TRANK1: variants seen among roughly 807,000 people sequenced by gnomAD.
TRANK1 encodes tetratricopeptide repeat and ankyrin repeat containing 1.
TRANK1 carries 198 observed loss-of-function variants against 266.0 expected under a neutral mutation model. The ratio of observed to expected loss-of-function variants is 0.74; its 90% CI spans 0.66 to 0.84. The LOEUF is 0.84. TRANK1 is among the 40% of genes least tolerant of loss of function. The pLI, the probability that TRANK1 is intolerant of heterozygous loss-of-function variation, is 0.00. For missense variants in TRANK1, 3,326 were observed against 3,634.6 expected (o/e 0.92, Z 2.18); for synonymous variants, 1,396 against 1,384.1 (o/e 1.01, Z -0.19).
At chr3:36,830,268 T>C (rs1434536985) in intron 22 of TRANK1, among the ~76,000 whole-genome samples, 1 of 150,644 alleles carries the variant, frequency 6.6e-6, no homozygotes, top group Non-Finnish European at 1.5e-5. Context: ...TGAGCCAAGA[T>C]CACGCCACTG....
At chr3:36,921,575 C>T (rs933184067) in intron 1 of TRANK1, among the ~76,000 whole-genome samples, 5 of 152,168 alleles carry the variant, frequency 3.3e-5, no homozygotes, top group African/African-American at 9.7e-5. Context: ...TAACTCCAGG[C>T]ATCACATTAA....
At chr3:36,930,475 G>A (rs1258686826) in intron 1 of TRANK1, among the ~76,000 whole-genome samples, 1 of 152,194 alleles carries the variant, frequency 6.6e-6, no homozygotes, top group Non-Finnish European at 1.5e-5. Context: ...CCTATGGACT[G>A]TGAGATAATA....
At chr3:36,852,424 T>G (rs932808972) in intron 13 of TRANK1, 79 bp from the exon 14 acceptor site, 83 of 1,342,012 alleles carry the variant, frequency 6.2e-5, no homozygotes, top group Non-Finnish European at 5.7e-5. Context: ...GGGGGACATG[T>G]TTTTCCTGAG....
At chr3:36,905,940 G>A (rs1288172067) in intron 2 of TRANK1, among the ~76,000 whole-genome samples, 2 of 152,228 alleles carry the variant, frequency 1.3e-5, no homozygotes, top group Non-Finnish European at 2.9e-5. Context: ...AAGGGGAACA[G>A]TGTCAGGAAG....
At chr3:36,901,100 TG>T (rs1229424379) in intron 3 of TRANK1, among the ~76,000 whole-genome samples, 44 of 97,040 alleles carry the variant, frequency 4.5e-4, no homozygotes, top group Admixed American at 4.0e-3. Context: ...GATTCAAGGT[TG>T]TTTTTTTTTT....
chr3:36,880,460 C>T (rs188353628), intron 8 of TRANK1: 7 of 187,166 alleles, frequency 3.7e-5, no homozygotes, highest in Non-Finnish European at 8.1e-5. Context: ...TTTGTAATTC[C>T]TTTTCTTTAC....
At position 36,832,200 on chromosome 3, in the gene TRANK1, G is replaced by A. The variant is rs1215129151; in HGVS notation, c.7383C>T (p.Ile2461=). The change falls in exon 22 of 24, where the codon ATC becomes ATT. Residue 2461 remains isoleucine (I), a synonymous_variant. Coordinates refer to ENST00000645898, the MANE Select transcript of TRANK1 (RefSeq NM_001329998.2). The part of the protein sequence containing the change: ...NTVALLEFQF[I]HCGVVLARLW... Reference sequence around the variant, plus strand: ...GGCGGGCCAGCACCACCCCACAGTGGATGAACTGGAACTCCAGGAGGGCTA... The same window carrying A: ...GGCGGGCCAGCACCACCCCACAGTGAATGAACTGGAACTCCAGGAGGGCTA... 1 of 1,613,998 alleles carries A rather than the reference G, an allele frequency of 6.2e-7. No individual in the cohort carries two copies. Among genetic ancestry groups the A allele is most frequent in the Non-Finnish European group, 8.5e-7 (1 of 1,179,890 alleles).
chr3:36,923,708 C>T (rs1253538241), intron 1 of TRANK1, among the ~76,000 whole-genome samples: 2 of 152,126 alleles, frequency 1.3e-5, no homozygotes, highest in East Asian at 1.9e-4. Flanking sequence ...CAGCACCCTC[C>T]GAGAATAGCC....
chr3:36,842,773 A>G (rs1011435188), intron 17 of TRANK1, 63 bp from the exon 18 acceptor site: 3 of 1,452,588 alleles, frequency 2.1e-6, no homozygotes, highest in African/African-American at 2.8e-5. Flanking sequence ...AACTGTTGTT[A>G]TGGGCTGAGT....
chr3:36,857,996 G>T lies in TRANK1; in HGVS notation c.1726C>A (p.Pro576Thr). 1 of 1,596,788 alleles carries T rather than the reference G, an allele frequency of 6.3e-7. No homozygotes were observed. Among genetic ancestry groups the T allele is most frequent in the Non-Finnish European group, 8.5e-7 (1 of 1,178,054 alleles). ...SHLLDLFWSN[P>T]TEFDYLNPNV... ...GGGTTGAGGTAGTCGAATTCAGTGG[G>T]GTTGGACCAAAACAGATCCAACAGA... Residue 576 changes from proline (P) to threonine (T), a missense_variant, in exon 13 of 24, where the codon CCC becomes ACC. Transcript: ENST00000645898. The surrounding 1 kb of genome is among the most constrained non-coding windows in gnomAD (Gnocchi z 4.3).
chr3:36,847,476 C>CACAGGATGGATCTTT, intron 15 of TRANK1, 130 bp from the exon 16 acceptor site: 2 of 916,540 alleles, frequency 2.2e-6, no homozygotes, highest in Non-Finnish European at 1.6e-6. Flanking sequence ...TGAGAAAGAT[C>CACAGGATGGATCTTT]CATCCTGTGA....
At chr3:36,891,511 T>G (rs1337257075) in intron 7 of TRANK1, among the ~76,000 whole-genome samples, 1 of 152,202 alleles carries the variant, frequency 6.6e-6, no homozygotes, top group Non-Finnish European at 1.5e-5. Flanking sequence ...ACAAGTTCTC[T>G]CGGCCCTTTC....
intron 4 of TRANK1, among the ~76,000 whole-genome samples, chr3:36,897,959 G>T (rs1407556951): frequency 2.0e-5 from 3 of 152,164 alleles, no homozygotes; most frequent in South Asian, 2.1e-4. Context: ...GTAACTTAAT[G>T]CAGTGACACA....
intron 2 of TRANK1, among the ~76,000 whole-genome samples, chr3:36,903,936 A>T (rs2079922419): frequency 1.3e-5 from 2 of 152,196 alleles, no homozygotes; most frequent in African/African-American, 2.4e-5. Context: ...ACACAAATAA[A>T]AAAAGCAAGC....
In TRANK1 at chr3:36,831,037, A is replaced by T. The variant is rs762521191; in HGVS notation, c.8546T>A (p.Ile2849Asn). Reference protein sequence around the residue: ...EFFHEKVDPAIDEGKLVVQDI... With the variant: ...EFFHEKVDPANDEGKLVVQDI... The stretch of plus-strand genomic sequence containing the variant: ...CTGCACCACCAGCTTGCCTTCATCA[A>T]TGGCCGGGTCCACCTTCTCGTGGAA... Residue 2849 changes from isoleucine (I) to asparagine (N), a missense_variant, in exon 22 of 24, where the codon ATT (isoleucine) becomes AAT (asparagine). Ile to Asn is a moderately radical substitution (Grantham distance 149). Coordinates refer to ENST00000645898, the MANE Select transcript of TRANK1 (RefSeq NM_001329998.2). The surrounding 1 kb of genome is among the most constrained non-coding windows in gnomAD (Gnocchi z 5.0). 6.8e-6 allele frequency: 11 copies of T among 1,613,960 alleles called. No individual in the cohort carries two copies. The highest frequency in any genetic ancestry group is 5.9e-6 in the Non-Finnish European group (7 of 1,179,876).
At chr3:36,924,121 T>C (rs529712538) in intron 1 of TRANK1, among the ~76,000 whole-genome samples, 69 of 152,208 alleles carry the variant, frequency 4.5e-4, no homozygotes, top group Non-Finnish European at 8.5e-4. Flanking sequence ...ATGGTGAGGG[T>C]TCCCTTACCC....
intron 9 of TRANK1, among the ~76,000 whole-genome samples, chr3:36,866,054 A>AGAGAGAG (rs1491055103): frequency 1.2e-5 from 1 of 80,250 alleles, no homozygotes; most frequent in East Asian, 3.3e-4. Context: ...CAGAAAGAAA[A>AGAGAGAG]AGAAAGAAAG....
chr3:36,864,951 C>G (rs1016174015), intron 9 of TRANK1, among the ~76,000 whole-genome samples: 1 of 151,244 alleles, frequency 6.6e-6, no homozygotes, highest in African/African-American at 2.4e-5. Context: ...ACAGCCCAGA[C>G]TAAATTGCTG....
At chr3:36,841,381 C>A (rs1389892768) in intron 18 of TRANK1, among the ~76,000 whole-genome samples, 1 of 152,206 alleles carries the variant, frequency 6.6e-6, no homozygotes, top group Non-Finnish European at 1.5e-5. Context: ...CAGAAAACAT[C>A]ATCTGCAGCT....
Sources: allele counts gnomAD v4.1 joint callset (sites outside exome capture counted in the v4.1 genomes callset), GRCh38; gene constraint gnomAD v4.1.1; non-coding constraint Gnocchi (gnomAD v3.1); transcripts MANE v1.5; gene names NCBI Gene and HGNC (gene_info 2026-07-23, HGNC 2026-07-21).